Variants in ANKRD30A observed in about 807,000 individuals in gnomAD.
ANKRD30A encodes the protein ankyrin repeat domain-containing protein 30A.
A neutral mutation model predicts 166.3 loss-of-function variants in ANKRD30A; 170 were observed. The ratio of observed to expected loss-of-function variants is 1.02; its 90% CI spans 0.90 to 1.16. ANKRD30A has a LOEUF of 1.16. Ranked by LOEUF, ANKRD30A falls within the 50% of genes most tolerant of loss-of-function variation. ANKRD30A has a pLI of 0.00. For synonymous variants in ANKRD30A, 564 were observed against 508.9 expected (o/e 1.11, Z -1.46); for missense variants, 1,630 against 1,518.0 (o/e 1.07, Z -1.23).
intron 13 of ANKRD30A, among the ~76,000 whole-genome samples, chr10:37,155,366 T>G (rs1838289515): frequency 6.6e-6 from 1 of 152,198 alleles, no homozygotes. Context: ...TAAAAATCAA[T>G]GAATATTTAT....
intron 29 of ANKRD30A, among the ~76,000 whole-genome samples, chr10:37,198,033 A>G (rs570008302): frequency 2.6e-4 from 40 of 152,098 alleles, no homozygotes; most frequent in East Asian, 3.9e-4. Flanking sequence ...GATGAGGAAA[A>G]GAATTATTCA....
At chr10:37,155,773 T>A (rs1048776750) in intron 13 of ANKRD30A, among the ~76,000 whole-genome samples, 3 of 152,168 alleles carry the variant, frequency 2.0e-5, no homozygotes, top group Non-Finnish European at 4.4e-5. Flanking sequence ...AGCGATTAGC[T>A]TGTTTTTCAT....
At chr10:37,160,617 A>T (rs1031154152) in intron 15 of ANKRD30A, among the ~76,000 whole-genome samples, 31 of 151,958 alleles carry the variant, frequency 2.0e-4, no homozygotes, top group African/African-American at 6.3e-4. Flanking sequence ...TCTTTTTTTT[A>T]AAAAAATATA....
the ANKRD30A span, among the ~76,000 whole-genome samples, chr10:37,238,257 G>A: frequency 6.6e-6 from 1 of 152,170 alleles, no homozygotes; most frequent in Non-Finnish European, 1.5e-5. Flanking sequence ...GTCAAAGGCT[G>A]GAAGATAATT....
chr10:37,190,137 T>C (rs1011301948), intron 25 of ANKRD30A, among the ~76,000 whole-genome samples: 1 of 151,902 alleles, frequency 6.6e-6, no homozygotes, highest in African/African-American at 2.4e-5. Flanking sequence ...TGGCCACACA[T>C]GTATATAAAT....
intron 6 of ANKRD30A, among the ~76,000 whole-genome samples, chr10:37,138,808 A>G (rs1013943135): frequency 6.6e-6 from 1 of 152,224 alleles, no homozygotes; most frequent in Admixed American, 6.5e-5. Flanking sequence ...ACTTTGCAGG[A>G]TATTATCCAG....
chr10:37,264,437 GC>G, the ANKRD30A span: 1 of 177,268 alleles, frequency 5.6e-6, no homozygotes, highest in Non-Finnish European at 1.2e-5. Flanking sequence ...AGAAGAGGTA[GC>G]TAGGATGCAG....
intron 1 of ANKRD30A, among the ~76,000 whole-genome samples, chr10:37,129,344 G>A (rs1255448989): frequency 6.6e-6 from 1 of 152,116 alleles, no homozygotes; most frequent in Non-Finnish European, 1.5e-5. Flanking sequence ...GAGAAATTGA[G>A]CATCTTAGAA....
At chr10:37,215,670 T>C (rs1842565300) in intron 31 of ANKRD30A, among the ~76,000 whole-genome samples, 1 of 151,546 alleles carries the variant, frequency 6.6e-6, no homozygotes, top group Non-Finnish European at 1.5e-5. Context: ...TAATGTCCAC[T>C]GTCTAAAAAA....
At chr10:37,232,275 C>G (rs952595969) in intron 35 of ANKRD30A, among the ~76,000 whole-genome samples, 4 of 151,640 alleles carry the variant, frequency 2.6e-5, no homozygotes, top group Non-Finnish European at 5.9e-5. Context: ...TTAATTGCCA[C>G]TATACCTACA....
At chr10:37,214,260 A>G (rs978287376) in intron 31 of ANKRD30A, among the ~76,000 whole-genome samples, 1 of 151,666 alleles carries the variant, frequency 6.6e-6, no homozygotes, top group Admixed American at 6.6e-5. Flanking sequence ...AGTGTGGTAT[A>G]TGTTGTTTCA....
At chr10:37,165,641 A>T (rs1839264235) in intron 18 of ANKRD30A, among the ~76,000 whole-genome samples, 1 of 152,088 alleles carries the variant, frequency 6.6e-6, no homozygotes, top group African/African-American at 2.4e-5. Flanking sequence ...ATCTGAAGGA[A>T]CATTTCAGCA....
Position 37,219,227 on chromosome 10 carries a change from T to A in ANKRD30A, c.3515T>A (p.Ile1172Lys), listed in dbSNP as rs763027031. Residue 1172 changes from isoleucine (I) to lysine (K), a missense_variant, in exon 34 of 36, where the codon ATA (isoleucine) becomes AAA (lysine). Physicochemically the swap from Ile to Lys is moderately radical, Grantham distance 102. Transcript: ENST00000361713. ...TATAGTGGGCAGCTTAAAGTTCTGA[T>A]AGCTGAGAACACAATGCTCACTTCT... ...SQYSGQLKVL[I>K]AENTMLTSKL... 1.1e-5 allele frequency: 17 copies of A among 1,610,632 alleles called. No individual in the cohort carries two copies. Among genetic ancestry groups the A allele is most frequent in the Admixed American group, 1.7e-5 (1 of 59,698 alleles).
At chr10:37,171,093 C>T (rs1434222296) in intron 21 of ANKRD30A, among the ~76,000 whole-genome samples, 1 of 87,138 alleles carries the variant, frequency 1.1e-5, no homozygotes, top group African/African-American at 5.0e-5. Flanking sequence ...CATGAGGCAC[C>T]GTGCCCGGCC....
intron 1 of ANKRD30A, among the ~76,000 whole-genome samples, chr10:37,126,352 A>C (rs190937231): frequency 2.2e-4 from 34 of 152,370 alleles, no homozygotes; most frequent in African/African-American, 7.2e-4. Flanking sequence ...AGGGTTTTAC[A>C]TTTAATGTAC....
At chr10:37,233,519 C>T (rs935844761), downstream of ANKRD30A, among the ~76,000 whole-genome samples, 7 of 151,956 alleles carry the variant, frequency 4.6e-5, no homozygotes, top group African/African-American at 1.5e-4. Context: ...TAGTTTTTAG[C>T]GGGCAAAGTG....
intron 13 of ANKRD30A, among the ~76,000 whole-genome samples, chr10:37,154,299 A>G (rs17590448): frequency 1.3e-4 from 20 of 152,302 alleles, no homozygotes; most frequent in South Asian, 4.1e-4. Flanking sequence ...ACTTTAGAAA[A>G]TCAGCTGAAA....
At chr10:37,252,874 C>G in the ANKRD30A span, among the ~76,000 whole-genome samples, 14 of 152,128 alleles carry the variant, frequency 9.2e-5, no homozygotes, top group African/African-American at 3.4e-4. Context: ...CAATATCTAA[C>G]AATTTTGTTT....
intron 24 of ANKRD30A, among the ~76,000 whole-genome samples, chr10:37,183,948 A>G (rs1258049147): frequency 6.6e-6 from 1 of 151,234 alleles, no homozygotes; most frequent in Non-Finnish European, 1.5e-5. Flanking sequence ...GGAGATCGAG[A>G]CCATCCTGAC....
Sources: allele counts gnomAD v4.1 joint callset (sites outside exome capture counted in the v4.1 genomes callset), GRCh38; gene constraint gnomAD v4.1.1; transcripts MANE v1.5; gene names NCBI Gene and HGNC (gene_info 2026-07-23, HGNC 2026-07-21).